THSD7A: variants seen among roughly 807,000 people sequenced by gnomAD.
The protein encoded by THSD7A is thrombospondin type 1 domain containing 7A, also known as thrombospondin type-1 domain-containing protein 7A.
A neutral mutation model predicts 231.3 loss-of-function variants in THSD7A; 96 were observed. The observed-to-expected ratio is 0.41, with a 90% confidence interval of 0.35 to 0.49. The LOEUF (loss-of-function observed/expected upper bound fraction) is 0.49. Among genes scored for constraint, THSD7A ranks in the 20% least tolerant of loss-of-function variants. The pLI, the probability that THSD7A is intolerant of heterozygous loss-of-function variation, is 0.05. For missense variants in THSD7A, 2,290 were observed against 2,070.2 expected (o/e 1.11, Z -2.06); for synonymous variants, 940 against 743.3 (o/e 1.26, Z -4.30).
chr7:11,406,709 T>C lies in THSD7A; in HGVS notation c.4062+201A>G, dbSNP rs1200740755. The stretch of plus-strand genomic sequence containing the variant: ...TTAAAATGAATCAGTCTCCAAATGA[T>C]TTTAAAAATATAGGGCATGGAGTTT... On this transcript the variant is annotated intron_variant, in intron 21 of 27. Coordinates refer to ENST00000423059, the MANE Select transcript of THSD7A (RefSeq NM_015204.3). The surrounding 1 kb of genome is among the most constrained non-coding windows in gnomAD (Gnocchi z 4.7). Among the ~76,000 whole-genome samples, 1 of 152,214 alleles carries C rather than the reference T, an allele frequency of 6.6e-6. No individual in the cohort carries two copies. The highest frequency in any genetic ancestry group is 1.9e-4 in the East Asian group (1 of 5,194).
At chr7:11,441,891 T>C (rs1583748588) in intron 13 of THSD7A, among the ~76,000 whole-genome samples, 1 of 151,820 alleles carries the variant, frequency 6.6e-6, no homozygotes, top group Non-Finnish European at 1.5e-5. Context: ...AGACAATAGG[T>C]TGATGGGTGC....
intron 1 of THSD7A, among the ~76,000 whole-genome samples, chr7:11,744,486 C>T (rs1453589183): frequency 6.6e-6 from 1 of 151,324 alleles, no homozygotes; most frequent in Admixed American, 6.6e-5. Context: ...TACATGTGCA[C>T]AATGTGCAGG....
chr7:11,792,133 C>T (rs917763679), intron 1 of THSD7A, among the ~76,000 whole-genome samples: 2 of 151,922 alleles, frequency 1.3e-5, no homozygotes, highest in African/African-American at 2.4e-5. Flanking sequence ...TCCTCTTACT[C>T]GTCATTATAT....
chr7:11,768,915 C>A (rs538499172), intron 1 of THSD7A, among the ~76,000 whole-genome samples: 1 of 150,148 alleles, frequency 6.7e-6, no homozygotes, highest in South Asian at 2.1e-4. Context: ...AAACACATAG[C>A]CTATCATAAT....
At chr7:11,379,589 T>C in intron 25 of THSD7A, 41 bp downstream of exon 25, 1 of 1,517,066 alleles carries the variant, frequency 6.6e-7, no homozygotes, top group Non-Finnish European at 9.0e-7. Flanking sequence ...GGGTGACACA[T>C]GATGGAGCTG....
intron 6 of THSD7A, among the ~76,000 whole-genome samples, chr7:11,483,764 A>C (rs1363708617): frequency 6.6e-6 from 1 of 152,128 alleles, no homozygotes. Context: ...TATTCTGTGG[A>C]AAGCAAGAAA....
intron 2 of THSD7A, among the ~76,000 whole-genome samples, chr7:11,611,766 A>G (rs970544961): frequency 6.7e-6 from 1 of 149,420 alleles, no homozygotes; most frequent in African/African-American, 2.5e-5. Context: ...CATTGCTACA[A>G]CTAGCCATAA....
chr7:11,641,764 A>T (rs555262281), intron 1 of THSD7A, among the ~76,000 whole-genome samples: 39 of 120,896 alleles, frequency 3.2e-4, no homozygotes, highest in South Asian at 1.3e-3. Flanking sequence ...AAATAAAATA[A>T]AATATAATAT....
intron 1 of THSD7A, among the ~76,000 whole-genome samples, chr7:11,750,604 C>G (rs895779048): frequency 6.6e-6 from 1 of 151,900 alleles, no homozygotes; most frequent in African/African-American, 2.4e-5. Context: ...AGTAAGGTGC[C>G]ATTATCAAAC....
chr7:11,688,995 C>T (rs931063816), intron 1 of THSD7A, among the ~76,000 whole-genome samples: 1 of 151,780 alleles, frequency 6.6e-6, no homozygotes, highest in Non-Finnish European at 1.5e-5. Flanking sequence ...TTTCTCTTCC[C>T]TATTTGTTTT....
Position 11,637,225 on chromosome 7 carries a change from G to C in THSD7A, c.191-264C>G, listed in dbSNP as rs974900515. 1.3e-5 allele frequency among the ~76,000 whole-genome samples: 2 copies of C among 152,110 alleles called. No individual in the cohort carries two copies. The highest frequency in any genetic ancestry group is 4.8e-5 in the African/African-American group (2 of 41,412). On this transcript the variant is annotated intron_variant, in intron 1 of 27. Transcript: ENST00000423059. The surrounding 1 kb of genome is among the most constrained non-coding windows in gnomAD (Gnocchi z 4.2). ...TAGGGATTACGAAAAGTTTGGTTTT[G>C]TTCATTTCCTTTGTTTTAGGTAGTT... is the stretch of plus-strand genomic sequence containing the variant.
chr7:11,801,301 T>C (rs1784269055), intron 1 of THSD7A, among the ~76,000 whole-genome samples: 1 of 152,212 alleles, frequency 6.6e-6, no homozygotes. Flanking sequence ...CCTTTCTTCC[T>C]GTCTTTCTCT....
At chr7:11,720,637 A>G (rs982382043) in intron 1 of THSD7A, among the ~76,000 whole-genome samples, 5 of 151,552 alleles carry the variant, frequency 3.3e-5, no homozygotes, top group Non-Finnish European at 7.4e-5. Context: ...TTTTTCCTCT[A>G]TCTATAAGGA....
intron 1 of THSD7A, among the ~76,000 whole-genome samples, chr7:11,774,778 G>C (rs945035633): frequency 6.6e-6 from 1 of 152,212 alleles, no homozygotes; most frequent in African/African-American, 2.4e-5. Flanking sequence ...CATAAGGCCA[G>C]GTGCTATGGC....
intron 4 of THSD7A, among the ~76,000 whole-genome samples, chr7:11,555,720 C>T (rs1789817726): frequency 6.6e-6 from 1 of 151,356 alleles, no homozygotes; most frequent in Admixed American, 6.6e-5. Context: ...CCTTTCAGTT[C>T]TATCAGTTTT....
intron 6 of THSD7A, among the ~76,000 whole-genome samples, chr7:11,498,884 C>A (rs904582242): frequency 2.6e-5 from 4 of 152,010 alleles, no homozygotes; most frequent in African/African-American, 9.7e-5. Flanking sequence ...ACAGCAGCAG[C>A]CCTATGGAAA....
At chr7:11,462,683 T>G (rs1296659960) in intron 9 of THSD7A, among the ~76,000 whole-genome samples, 1 of 152,192 alleles carries the variant, frequency 6.6e-6, no homozygotes, top group African/African-American at 2.4e-5. Flanking sequence ...AGACCTTCAA[T>G]TCAGGTCACA....
At position 11,488,252 on chromosome 7, in the gene THSD7A, T is replaced by A. The variant is rs62438205; in HGVS notation, c.1823-6270A>T. On this transcript the variant is annotated intron_variant, in intron 6 of 27. Coordinates refer to ENST00000423059, the MANE Select transcript of THSD7A (RefSeq NM_015204.3). ...TCAGAAATTATCTTAAAAATTCACA[T>A]TGACTTTTGAGAGTGATAGTCTTTA... 7.5e-3 allele frequency among the ~76,000 whole-genome samples: 1,148 copies of A among 152,272 alleles called. 10 individuals are homozygous for A. The highest frequency in any genetic ancestry group is 0.026 in the African/African-American group (1,099 of 41,576).
At chr7:11,574,328 A>G (rs1790784584) in intron 4 of THSD7A, among the ~76,000 whole-genome samples, 1 of 151,814 alleles carries the variant, frequency 6.6e-6, no homozygotes, top group Non-Finnish European at 1.5e-5. Context: ...TCATTTCTCT[A>G]TTTTCAGCAT....
Sources: allele counts gnomAD v4.1 joint callset (sites outside exome capture counted in the v4.1 genomes callset), GRCh38; gene constraint gnomAD v4.1.1; non-coding constraint Gnocchi (gnomAD v3.1); transcripts MANE v1.5; gene names NCBI Gene and HGNC (gene_info 2026-07-23, HGNC 2026-07-21).